The following TSPAN15 variants were observed in gnomAD, a reference collection of about 807,000 sequenced individuals.
TSPAN15 encodes the protein tetraspanin-15.
A neutral mutation model predicts 34.5 loss-of-function variants in TSPAN15; 20 were observed. The ratio of observed to expected loss-of-function variants is 0.58; its 90% CI spans 0.41 to 0.84. The LOEUF (loss-of-function observed/expected upper bound fraction) is 0.84, where lower values mean the gene tolerates loss of function less well. TSPAN15 is among the 40% of genes least tolerant of loss of function. The probability of loss-of-function intolerance (pLI) is 0.00; values close to 1 mark genes in which losing one functional copy is unlikely to be tolerated. For missense variants in TSPAN15, 313 were observed against 386.1 expected (o/e 0.81, Z 1.59); for synonymous variants, 155 against 153.9 (o/e 1.01, Z -0.05).
chr10:69,490,954 G>A (rs576680725), intron 3 of TSPAN15, among the ~76,000 whole-genome samples: 10 of 152,212 alleles, frequency 6.6e-5, no homozygotes, highest in Admixed American at 1.3e-4. Context: ...ACAGCAGAGC[G>A]GTCGGCCTTA....
At chr10:69,470,449 T>C (rs1841480498) in intron 1 of TSPAN15, among the ~76,000 whole-genome samples, 1 of 152,348 alleles carries the variant, frequency 6.6e-6, no homozygotes, top group African/African-American at 2.4e-5. Flanking sequence ...TATTTCCCTA[T>C]TCCAGCCTCA....
chr10:69,487,484 G>A (rs1841878823), intron 3 of TSPAN15, among the ~76,000 whole-genome samples: 1 of 151,960 alleles, frequency 6.6e-6, no homozygotes. Context: ...TATTCCATTT[G>A]CCCATGGGGC....
At chr10:69,523,917 A>G in the TSPAN15 span, among the ~76,000 whole-genome samples, 2 of 147,760 alleles carry the variant, frequency 1.4e-5, 1 homozygote, top group Non-Finnish European at 3.0e-5. Context: ...TAGACTTGTC[A>G]AAGGAAAGGG....
At chr10:69,525,066 C>T in the TSPAN15 span, among the ~76,000 whole-genome samples, 1 of 147,316 alleles carries the variant, frequency 6.8e-6, no homozygotes. Flanking sequence ...CAGGTGTGAG[C>T]CACCGTGCCT....
At chr10:69,485,238 C>T (rs373269926) in intron 3 of TSPAN15, 23 bp downstream of exon 3, 104 of 1,611,742 alleles carry the variant, frequency 6.5e-5, no homozygotes, top group African/African-American at 4.1e-4. Context: ...ATTTGTGTAT[C>T]GGCCATGTGT....
the TSPAN15 span, among the ~76,000 whole-genome samples, chr10:69,548,422 C>A: frequency 1.3e-5 from 2 of 152,216 alleles, no homozygotes; most frequent in Non-Finnish European, 2.9e-5. Flanking sequence ...ATAATTGAGA[C>A]AGACTTACCA....
At chr10:69,472,197 A>G (rs10823394) in intron 1 of TSPAN15, among the ~76,000 whole-genome samples, 67,825 of 151,388 alleles carry the variant, frequency 0.45, 15,624 homozygotes, top group African/African-American at 0.51. Context: ...CCCTTCCCTC[A>G]TCCTCTGCCT....
the TSPAN15 span, among the ~76,000 whole-genome samples, chr10:69,540,025 G>T: frequency 1.3e-5 from 2 of 151,872 alleles, no homozygotes; most frequent in Non-Finnish European, 2.9e-5. Context: ...TGAATAGTTG[G>T]GATTACAGGC....
At chr10:69,518,365 C>T in the TSPAN15 span, among the ~76,000 whole-genome samples, 10 of 151,936 alleles carry the variant, frequency 6.6e-5, no homozygotes, top group East Asian at 1.9e-4. Flanking sequence ...CCAACACCCC[C>T]GCCACCCCAG....
chr10:69,470,574 C>T (rs1013557094), intron 1 of TSPAN15, among the ~76,000 whole-genome samples: 2 of 152,152 alleles, frequency 1.3e-5, no homozygotes, highest in Non-Finnish European at 2.9e-5. Flanking sequence ...CTGCATCTCC[C>T]AGTCTCTTGG....
In TSPAN15 at chr10:69,506,056, A is replaced by G; in HGVS notation, c.619-68A>G. The G allele has an allele frequency of 7.4e-7, 1 of 1,348,980 alleles. No individual in the cohort carries two copies. Among genetic ancestry groups the G allele is most frequent in the Non-Finnish European group, 1.1e-6 (1 of 948,582 alleles). 83.6% of individuals were successfully genotyped at this position (1,348,980 alleles called of 1,614,324 possible). ...CTAGCCTGGACCTTGTGTACATGGC[A>G]GAGTCGGGGCTGTGGCTCCTGCCAG... On this transcript the variant is annotated intron_variant, in intron 6 of 7. Transcript: ENST00000373290. The surrounding 1 kb of genome is among the most constrained non-coding windows in gnomAD (Gnocchi z 4.7).
chr10:69,542,204 G>A, the TSPAN15 span, among the ~76,000 whole-genome samples: 3 of 152,126 alleles, frequency 2.0e-5, no homozygotes, highest in Admixed American at 6.5e-5. Context: ...TGCATAGCAA[G>A]GGTGGCCTTT....
the TSPAN15 span, chr10:69,523,335 G>T: frequency 1.9e-6 from 1 of 525,882 alleles, no homozygotes; most frequent in South Asian, 2.0e-5. Flanking sequence ...GCCAGCCCAA[G>T]AGTAGCAGGC....
At chr10:69,517,516 C>T in the TSPAN15 span, among the ~76,000 whole-genome samples, 1 of 152,202 alleles carries the variant, frequency 6.6e-6, no homozygotes, top group African/African-American at 2.4e-5. Context: ...ATCATCTGGG[C>T]CTTGCTGGCA....
intron 1 of TSPAN15, 86 bp downstream of exon 1, chr10:69,451,776 T>A: frequency 8.9e-7 from 1 of 1,126,836 alleles, no homozygotes; most frequent in Non-Finnish European, 1.2e-6. Flanking sequence ...GGGTCCACAC[T>A]TAGCCGCTCC....
At chr10:69,540,282 C>A in the TSPAN15 span, among the ~76,000 whole-genome samples, 2 of 152,194 alleles carry the variant, frequency 1.3e-5, no homozygotes, top group African/African-American at 4.8e-5. Flanking sequence ...GTAGTCCCAG[C>A]TACTCAGGAG....
At chr10:69,452,813 G>C (rs1184560869) in intron 1 of TSPAN15, among the ~76,000 whole-genome samples, 1 of 152,162 alleles carries the variant, frequency 6.6e-6, no homozygotes, top group Non-Finnish European at 1.5e-5. Flanking sequence ...GACCCAGGGT[G>C]GTCACTGACA....
At chr10:69,455,590 C>CTCTTTTTTTCTTTCTTTCTTTCTT (rs1841077541) in intron 1 of TSPAN15, among the ~76,000 whole-genome samples, 1 of 106,762 alleles carries the variant, frequency 9.4e-6, no homozygotes, top group Non-Finnish European at 2.0e-5. Context: ...TTCTTTCTTT[C>CTCTTTTTTTCTTTCTTTCTTTCTT]TCTTTCTTTC....
At chr10:69,473,842 C>T (rs1034644477) in intron 1 of TSPAN15, among the ~76,000 whole-genome samples, 1 of 152,104 alleles carries the variant, frequency 6.6e-6, no homozygotes, top group Non-Finnish European at 1.5e-5. Flanking sequence ...CTGATTGCCT[C>T]CTCTGCCTTC....
Sources: allele counts gnomAD v4.1 joint callset (sites outside exome capture counted in the v4.1 genomes callset), GRCh38; gene constraint gnomAD v4.1.1; non-coding constraint Gnocchi (gnomAD v3.1); transcripts MANE v1.5; gene names NCBI Gene and HGNC (gene_info 2026-07-23, HGNC 2026-07-21).